DENND1A: variants seen among roughly 807,000 people sequenced by gnomAD.
The protein encoded by DENND1A is DENN domain containing 1A, also known as DENN domain-containing protein 1A.
DENND1A carries 51 observed loss-of-function variants against 113.7 expected under a neutral mutation model. The ratio of observed to expected loss-of-function variants is 0.45; its 90% CI spans 0.36 to 0.57. DENND1A has a LOEUF of 0.57. Ranked by LOEUF, DENND1A falls within the 20% of genes least tolerant of loss-of-function variation. The pLI is 0.00. For synonymous variants in DENND1A, 565 were observed against 570.8 expected (o/e 0.99, Z 0.14); for missense variants, 1,258 against 1,395.9 (o/e 0.90, Z 1.57).
chr9:123,756,556 C>T (rs1037392885), intron 5 of DENND1A, among the ~76,000 whole-genome samples: 27 of 152,282 alleles, frequency 1.8e-4, no homozygotes, highest in African/African-American at 6.3e-4. Flanking sequence ...TCCTCCTGTG[C>T]CCAGGTTACA....
chr9:123,384,250 A>G (rs1470866820), intron 22 of DENND1A, among the ~76,000 whole-genome samples: 6 of 152,300 alleles, frequency 3.9e-5, no homozygotes, highest in African/African-American at 1.4e-4. Context: ...AACAGACAGG[A>G]CTGGAAGGGG....
rs534553350 is a variant in DENND1A, at chr9:123,505,735, A to T, written c.994-47838T>A. Among the ~76,000 whole-genome samples, 8 of 152,272 alleles carry T rather than the reference A, an allele frequency of 5.3e-5. No individual in the cohort carries two copies. In the South Asian group the frequency reaches 1.7e-3, roughly 32 times the overall value. Reference sequence around the variant, plus strand: ...TTCCATTACACAACCGTTCCACTTAAAAGCCCACTTTCCCAATGATTTTTC... The same window carrying T: ...TTCCATTACACAACCGTTCCACTTATAAGCCCACTTTCCCAATGATTTTTC... On this transcript the variant is annotated intron_variant, in intron 13 of 23. Coordinates refer to ENST00000394215, the MANE Select transcript of DENND1A (RefSeq NM_001352964.2).
chr9:123,768,268 T>G (rs919821330), intron 4 of DENND1A, among the ~76,000 whole-genome samples: 1 of 152,180 alleles, frequency 6.6e-6, no homozygotes, highest in African/African-American at 2.4e-5. Context: ...GGGAGAGCAG[T>G]GATTAGAAGT....
chr9:123,621,708 C>T (rs2060974172), intron 10 of DENND1A, among the ~76,000 whole-genome samples: 1 of 152,160 alleles, frequency 6.6e-6, no homozygotes, highest in Admixed American at 6.5e-5. Context: ...TTCCGCCGCA[C>T]CACACTTTCA....
chr9:123,620,202 A>C (rs1299598584), intron 10 of DENND1A, among the ~76,000 whole-genome samples: 43 of 130,388 alleles, frequency 3.3e-4, no homozygotes, highest in African/African-American at 1.2e-3. Flanking sequence ...TGAGAGAGTA[A>C]GACTCCATCT....
chr9:123,731,298 T>C (rs1218635300), intron 5 of DENND1A, among the ~76,000 whole-genome samples: 1 of 152,134 alleles, frequency 6.6e-6, no homozygotes, highest in African/African-American at 2.4e-5. Context: ...GGAAGATTAA[T>C]GCTATCTGAT....
intron 18 of DENND1A, among the ~76,000 whole-genome samples, chr9:123,442,993 T>C (rs921060536): frequency 1.3e-5 from 2 of 152,194 alleles, no homozygotes; most frequent in Non-Finnish European, 2.9e-5. Context: ...AGTTTCCCTG[T>C]GTGGACGGCC....
chr9:123,727,924 G>A (rs2067827047), intron 5 of DENND1A, among the ~76,000 whole-genome samples: 1 of 151,318 alleles, frequency 6.6e-6, no homozygotes, highest in African/African-American at 2.4e-5. Flanking sequence ...GGCTAACACA[G>A]TGAAACCCCA....
chr9:123,885,370 G>C (rs1171994116), intron 1 of DENND1A, among the ~76,000 whole-genome samples: 1 of 152,200 alleles, frequency 6.6e-6, no homozygotes, highest in Non-Finnish European at 1.5e-5. Context: ...GGTACCAACT[G>C]TGTCTTCTCA....
intron 5 of DENND1A, among the ~76,000 whole-genome samples, chr9:123,696,741 C>T (rs573338682): frequency 4.0e-5 from 6 of 151,696 alleles, no homozygotes; most frequent in Admixed American, 6.6e-5. Flanking sequence ...GAGGATTCTG[C>T]GATGAGAATT....
intron 5 of DENND1A, among the ~76,000 whole-genome samples, chr9:123,726,215 GACTTT>G (rs770788726): frequency 2.1e-4 from 32 of 152,208 alleles, no homozygotes; most frequent in Middle Eastern, 6.8e-3. Context: ...TTCTTCTCAG[GACTTT>G]ACATGTATTT....
intron 1 of DENND1A, among the ~76,000 whole-genome samples, chr9:123,904,763 G>A (rs1429940123): frequency 2.6e-5 from 4 of 151,694 alleles, no homozygotes; most frequent in Admixed American, 6.6e-5. Flanking sequence ...GGGGAGAATG[G>A]AACCAAGTTG....
At chr9:123,684,259 G>A (rs2064662180) in intron 5 of DENND1A, among the ~76,000 whole-genome samples, 1 of 152,056 alleles carries the variant, frequency 6.6e-6, no homozygotes, top group African/African-American at 2.4e-5. Context: ...AGTGCCACAG[G>A]CCTCCTGTTG....
At chr9:123,388,075 T>A (rs2042660388) in intron 21 of DENND1A, among the ~76,000 whole-genome samples, 1 of 152,200 alleles carries the variant, frequency 6.6e-6, no homozygotes, top group Admixed American at 6.5e-5. Context: ...ATCCATCACA[T>A]AGGACCTAGT....
intron 5 of DENND1A, among the ~76,000 whole-genome samples, chr9:123,679,386 T>TCTCACA (rs1222354341): frequency 6.6e-6 from 1 of 152,136 alleles, no homozygotes; most frequent in Non-Finnish European, 1.5e-5. Context: ...GCACCCTGGT[T>TCTCACA]CTCACACTCA....
rs1250088208 is a variant in DENND1A at position 123,534,903 on chromosome 9, TC to T, written c.993+22666del. Reference sequence around the variant, plus strand: ...ATTATCTTCCTGTCTGTGGCTTTTTTCCCCCCCTTCACTTGCTTTATAGTGA... The same window carrying T: ...ATTATCTTCCTGTCTGTGGCTTTTTTCCCCCCTTCACTTGCTTTATAGTGA... On this transcript the variant is annotated intron_variant, in intron 13 of 23. Coordinates refer to ENST00000394215, the MANE Select transcript of DENND1A (RefSeq NM_001352964.2). Among the ~76,000 whole-genome samples, 103 of 152,150 alleles carry T rather than the reference TC, an allele frequency of 6.8e-4. 1 individual carries two copies. The highest frequency in any genetic ancestry group is 6.4e-3 in the Admixed American group (98 of 15,278).
At chr9:123,547,485 C>T (rs989166694) in intron 13 of DENND1A, among the ~76,000 whole-genome samples, 7 of 152,286 alleles carry the variant, frequency 4.6e-5, no homozygotes, top group Non-Finnish European at 7.4e-5. Context: ...GCTGAGATGT[C>T]GCCATTGCAC....
At chr9:123,811,197 A>G (rs763778056) in intron 2 of DENND1A, among the ~76,000 whole-genome samples, 7 of 152,208 alleles carry the variant, frequency 4.6e-5, no homozygotes. Context: ...CCACCACTTT[A>G]CCATCTTGAA....
At chr9:123,532,223 C>G (rs2055379101) in intron 13 of DENND1A, among the ~76,000 whole-genome samples, 1 of 152,146 alleles carries the variant, frequency 6.6e-6, no homozygotes, top group South Asian at 2.1e-4. Flanking sequence ...ACTATATTTC[C>G]TAAAATCAAG....
Sources: gnomAD v4.1 joint callset for allele counts (sites outside exome capture counted in the v4.1 genomes callset) on GRCh38, gnomAD v4.1.1 for gene constraint, MANE v1.5 for transcripts, NCBI Gene and HGNC (gene_info 2026-07-23, HGNC 2026-07-21) for gene names.